MACF1: variants seen among roughly 807,000 people sequenced by gnomAD.
MACF1 encodes the protein microtubule actin crosslinking factor 1.
A neutral mutation model predicts 854.8 loss-of-function variants in MACF1; 193 were observed. The observed-to-expected ratio is 0.23, with a 90% CI of 0.20 to 0.25. The LOEUF is 0.25. Among genes scored for constraint, MACF1 ranks in the 10% least tolerant of loss-of-function variants. The probability of loss-of-function intolerance (pLI) is 1.00; values close to 1 mark genes in which losing one functional copy is unlikely to be tolerated. For missense variants in MACF1, 7,722 were observed against 8,929.1 expected (o/e 0.86, Z 5.45); for synonymous variants, 3,185 against 3,226.7 (o/e 0.99, Z 0.44).
intron 66 of MACF1, among the ~76,000 whole-genome samples, chr1:39,432,124 C>G (rs1643885497): frequency 1.3e-5 from 2 of 152,184 alleles, no homozygotes; most frequent in South Asian, 4.2e-4. Flanking sequence ...GCGGGCACTT[C>G]CGAGTTAACT....
chr1:39,427,914 T>C, intron 62 of MACF1, 47 bp from the exon 63 acceptor site: 1 of 1,398,434 alleles, frequency 7.2e-7, no homozygotes, highest in Non-Finnish European at 9.9e-7. Context: ...TGTTTACTTT[T>C]CATTTATTTT....
intron 2 of MACF1, among the ~76,000 whole-genome samples, chr1:39,131,148 G>A (rs1252035046): frequency 1.6e-5 from 2 of 125,730 alleles, no homozygotes; most frequent in African/African-American, 2.9e-5. Flanking sequence ...CACTGCGCCC[G>A]GCCTTTTTTT....
At chr1:39,155,307 G>A (rs1243535970) in intron 2 of MACF1, among the ~76,000 whole-genome samples, 1 of 152,168 alleles carries the variant, frequency 6.6e-6, no homozygotes, top group Non-Finnish European at 1.5e-5. Flanking sequence ...TGACAAACTA[G>A]CATGTGTTGT....
chr1:39,317,406 C>A lies in MACF1; in HGVS notation c.3781C>A (p.Arg1261Ser). 6.2e-7 allele frequency: 1 copy of A among 1,612,120 alleles called. No homozygotes were observed. The highest frequency in any genetic ancestry group is 1.1e-5 in the South Asian group (1 of 90,972). Residue 1261 changes from arginine (R) to serine (S), a missense_variant and splice_region_variant, in exon 29 of 101, where the codon CGC becomes AGC. By Grantham distance (110) the Arg-to-Ser change is moderately radical. This residue lies in a region of MACF1 where 1,137 missense variants were observed against 1,263.0 expected (regional missense o/e 0.90). Transcript: ENST00000564288. ...CCGAGTCATTGCCCAGCTCGAGATTCGGTGAGTGGTGGCCCCACCTTTTTC... is the reference window on the plus strand; with the variant it reads ...CCGAGTCATTGCCCAGCTCGAGATTAGGTGAGTGGTGGCCCCACCTTTTTC... ...WHRVIAQLEI[R>S]QSELESIQEV...
chr1:39,275,202 C>T (rs1364098586), intron 6 of MACF1, among the ~76,000 whole-genome samples: 1 of 151,948 alleles, frequency 6.6e-6, no homozygotes, highest in Non-Finnish European at 1.5e-5. Context: ...CCTCAGCCTC[C>T]CGAGTAGCTG....
At chr1:39,442,616 A>G in intron 77 of MACF1, 49 bp downstream of exon 77, 1 of 1,611,548 alleles carries the variant, frequency 6.2e-7, no homozygotes, top group Non-Finnish European at 8.5e-7. Flanking sequence ...TTGAGACCAG[A>G]TGCTGCCACC....
intron 30 of MACF1, among the ~76,000 whole-genome samples, chr1:39,318,987 T>C (rs1378258343): frequency 6.7e-6 from 1 of 149,858 alleles, no homozygotes; most frequent in Non-Finnish European, 1.5e-5. Flanking sequence ...AAATGATTTA[T>C]TTTAAGCATT....
chr1:39,380,291 A>G lies in MACF1; in HGVS notation c.13566A>G (p.Val4522=). Residue 4522 remains valine (V), a synonymous_variant, in exon 55 of 101, where the codon GTA becomes GTG. Transcript: ENST00000564288. ...AGAATTCTCCAAAAATTCAAAAAGT[A>G]AAGGAAGCCCTGGCTGGATTACTGG... ...LEQNSPKIQK[V]KEALAGLLVT... 1 of 1,613,600 alleles carries G rather than the reference A, an allele frequency of 6.2e-7. No homozygotes were observed. Among genetic ancestry groups the G allele is most frequent in the Non-Finnish European group, 8.5e-7 (1 of 1,179,728 alleles).
intron 2 of MACF1, among the ~76,000 whole-genome samples, chr1:39,093,936 A>C (rs1641875150): frequency 6.6e-6 from 1 of 151,386 alleles, no homozygotes; most frequent in Non-Finnish European, 1.5e-5. Context: ...GCGCCACCAC[A>C]CCTGGCTAAT....
In MACF1 at chr1:39,479,888, G is replaced by A. The variant is rs767441407; in HGVS notation, c.22049G>A (p.Arg7350Gln). The A allele has an allele frequency of 3.7e-6, 6 of 1,614,206 alleles. No homozygotes were observed. The highest frequency in any genetic ancestry group is 1.7e-5 in the Admixed American group (1 of 60,026). ...QGMTPFRSRG[R>Q]RSKPSSRAAS... ...ATGACCCCCTTCCGCTCACGGGGTCGAAGGTCCAAACCATCTTCCCGGGCA... is the reference window on the plus strand; with the variant it reads ...ATGACCCCCTTCCGCTCACGGGGTCAAAGGTCCAAACCATCTTCCCGGGCA... Residue 7350 changes from arginine (R) to glutamine (Q), a missense_variant, in exon 98 of 101, where the codon CGA becomes CAA. By Grantham distance (43) the Arg-to-Gln change is conservative. Coordinates refer to ENST00000564288, the MANE Select transcript of MACF1 (RefSeq NM_001394062.1).
chr1:39,446,078 T>C (rs2148671325), intron 80 of MACF1, among the ~76,000 whole-genome samples: 1 of 152,348 alleles, frequency 6.6e-6, no homozygotes, highest in South Asian at 2.1e-4. Flanking sequence ...TTCAGAGAGT[T>C]TTCTTAATAG....
intron 97 of MACF1, among the ~76,000 whole-genome samples, chr1:39,472,713 C>T (rs1464205810): frequency 1.3e-5 from 2 of 152,084 alleles, no homozygotes; most frequent in East Asian, 1.9e-4. Flanking sequence ...GTCTCTTGAC[C>T]GAGATGAGAG....
chr1:39,381,300 A>G (rs1356895841), intron 55 of MACF1, among the ~76,000 whole-genome samples: 1 of 120,878 alleles, frequency 8.3e-6, no homozygotes, highest in East Asian at 2.7e-4. Context: ...CAAGTGATCC[A>G]CCCACCTCGG....
At chr1:39,093,035 G>A (rs553768104) in intron 2 of MACF1, among the ~76,000 whole-genome samples, 2 of 152,074 alleles carry the variant, frequency 1.3e-5, no homozygotes, top group African/African-American at 4.8e-5. Context: ...CCACCCGCCT[G>A]GGCCTCCGAA....
At chr1:39,417,524 C>CT (rs1166051492) in intron 58 of MACF1, among the ~76,000 whole-genome samples, 2 of 151,484 alleles carry the variant, frequency 1.3e-5, no homozygotes, top group South Asian at 2.1e-4. Context: ...TACAAGGATT[C>CT]ATTCATTCAT....
Position 39,238,942 on chromosome 1 carries a change from C to A in MACF1, c.171+7699C>A, listed in dbSNP as rs1358418289. On this transcript the variant is annotated intron_variant, in intron 2 of 100. Transcript: ENST00000564288. ...TCCTTTGCTTTGCTCCCCAAGTACA[C>A]CCCAGATTAATGCCATCTTTGGCAG... is the stretch of plus-strand genomic sequence containing the variant. Among the ~76,000 whole-genome samples the A allele has an allele frequency of 2.0e-5, 3 of 152,092 alleles. No homozygotes were observed. The East Asian group carries it at 5.8e-4, about 29-fold the overall frequency.
chr1:39,307,881 T>C (rs1646216413), intron 23 of MACF1, among the ~76,000 whole-genome samples: 1 of 147,578 alleles, frequency 6.8e-6, no homozygotes, highest in Non-Finnish European at 1.5e-5. Context: ...CTGGATTATT[T>C]CTCTTTTCTT....
intron 2 of MACF1, chr1:39,103,717 A>C (rs1252624291): frequency 6.6e-6 from 1 of 152,258 alleles, no homozygotes; most frequent in African/African-American, 2.4e-5. Flanking sequence ...ATTAAACTGG[A>C]AGGAAATGAG....
At chr1:39,345,882 A>G (rs1647034827) in intron 40 of MACF1, among the ~76,000 whole-genome samples, 1 of 152,012 alleles carries the variant, frequency 6.6e-6, no homozygotes, top group Non-Finnish European at 1.5e-5. Flanking sequence ...AGCCTGGCCA[A>G]CATGGCAAAA....
Sources: allele counts gnomAD v4.1 joint callset (sites outside exome capture counted in the v4.1 genomes callset), GRCh38; gene constraint gnomAD v4.1.1; regional missense constraint gnomAD v4.1.1; transcripts MANE v1.5; gene names NCBI Gene and HGNC (gene_info 2026-07-23, HGNC 2026-07-21).